The following H2AZ2 variants were observed in gnomAD, a reference collection of about 807,000 sequenced individuals.
H2AZ2 encodes H2A.Z variant histone 2.
In H2AZ2, 5 loss-of-function variants were observed where a neutral mutation model predicts 15.5. The observed-to-expected ratio is 0.32, with a 90% confidence interval of 0.17 to 0.68. The LOEUF (loss-of-function observed/expected upper bound fraction) is 0.68, where lower values mean the gene tolerates loss of function less well. H2AZ2 is among the 30% of genes least tolerant of loss of function. H2AZ2 has a pLI of 0.72. For synonymous variants in H2AZ2, 44 were observed against 57.4 expected, an observed-to-expected ratio of 0.77 and a Z score of 1.05; for missense variants, 42 against 162.5, an observed-to-expected ratio of 0.26 and a Z score of 4.03.
downstream of H2AZ2, chr7:44,828,945 A>C (rs921845579): frequency 6.6e-6 from 1 of 152,182 alleles, no homozygotes; most frequent in African/African-American, 2.4e-5. Context: ...CCTTCCTTTG[A>C]ATCTGACTCC....
At chr7:44,835,349 GAAGGTGAAAT>G (rs1359107833) in intron 4 of H2AZ2, 170 bp downstream of exon 4, 1 of 473,814 alleles carries the variant, frequency 2.1e-6, no homozygotes, top group Non-Finnish European at 3.6e-6. Flanking sequence ...CATATGGCTA[GAAGGTGAAAT>G]ATTTATTCAG....
chr7:44,846,010 T>G (rs1793388795), intron 1 of H2AZ2, among the ~76,000 whole-genome samples: 1 of 133,758 alleles, frequency 7.5e-6, no homozygotes, highest in Non-Finnish European at 1.7e-5. Context: ...TTAAGGTTGT[T>G]GGTTTTAAAA....
chr7:44,834,331 T>C lies in H2AZ2; in HGVS notation c.*170A>G, dbSNP rs998397708. 2.2e-6 allele frequency: 3 copies of C among 1,335,230 alleles called. No individual in the cohort carries two copies. Among genetic ancestry groups the C allele is most frequent in the Non-Finnish European group, 2.9e-6 (3 of 1,036,280 alleles). The allele number at this position is 1,335,230 out of a possible 1,614,324, so 82.7% of individuals were successfully genotyped here. A position where few individuals can be genotyped will look rare whatever the true frequency, so the allele number is the denominator to read the frequency against. Reference sequence around the variant, plus strand: ...CTGTCACCACATGAAAAGGTACTTTTATCAAACTTCGAGTCTAAGAACATA... The same window carrying C: ...CTGTCACCACATGAAAAGGTACTTTCATCAAACTTCGAGTCTAAGAACATA... On this transcript the variant is annotated 3_prime_UTR_variant, in exon 5 of 5. Transcript: ENST00000308153.
intron 1 of H2AZ2, 118 bp downstream of exon 1, chr7:44,847,851 C>A: frequency 2.9e-6 from 4 of 1,386,640 alleles, no homozygotes; most frequent in South Asian, 1.3e-5. Context: ...AGGGGCTCGG[C>A]CGGACGAAGC....
At chr7:44,844,320 T>C (rs889161416) in intron 1 of H2AZ2, among the ~76,000 whole-genome samples, 2 of 152,184 alleles carry the variant, frequency 1.3e-5, no homozygotes, top group African/African-American at 4.8e-5. Flanking sequence ...TTGAGGACAT[T>C]ATGCTAAGGA....
In H2AZ2 at chr7:44,834,369, T is replaced by G. The variant is rs547312603; in HGVS notation, c.*132A>C. ...GTCTAAGAACATACAAATGTTTCTT[T>G]TATCATGTCTACAGTAATTGTCTAT... On this transcript the variant is annotated 3_prime_UTR_variant, in exon 5 of 5. Coordinates refer to ENST00000308153, the MANE Select transcript of H2AZ2 (RefSeq NM_012412.5). 2.9e-4 allele frequency: 389 copies of G among 1,350,664 alleles called. 2 individuals are homozygous for G. In the South Asian group the frequency reaches 7.9e-3, roughly 27 times the overall value. 83.7% of individuals were successfully genotyped at this position (1,350,664 alleles called of 1,614,324 possible). A position where few individuals can be genotyped will look rare whatever the true frequency, so the allele number is the denominator to read the frequency against.
rs1793100689 is a variant in H2AZ2 at position 44,835,623 on chromosome 7, G to A, written c.231C>T (p.Leu77=). Residue 77 remains leucine, a synonymous_variant, in exon 4 of 5, where the codon CTC becomes CTT. Coordinates refer to ENST00000308153, the MANE Select transcript of H2AZ2 (RefSeq NM_012412.5). ...GACGCGGAGTGATACGCTTTACTTTGAGATCCTTAGAAGCATTACCTGCCA... is the reference window on the plus strand; with the variant it reads ...GACGCGGAGTGATACGCTTTACTTTAAGATCCTTAGAAGCATTACCTGCCA... ...LELAGNASKD[L]KVKRITPRHL... is the part of the protein sequence containing the mutation. 1 of 1,611,940 alleles carries A rather than the reference G, an allele frequency of 6.2e-7. No individual in the cohort carries two copies. Among genetic ancestry groups the A allele is most frequent in the South Asian group, 1.1e-5 (1 of 90,816 alleles).
At chr7:44,844,047 A>G (rs959272267) in intron 1 of H2AZ2, among the ~76,000 whole-genome samples, 4 of 151,790 alleles carry the variant, frequency 2.6e-5, no homozygotes, top group African/African-American at 9.7e-5. Flanking sequence ...TTCCAAGAAA[A>G]AAAAAAAAAA....
Position 44,834,214 on chromosome 7 carries a change from AG to A in H2AZ2, c.*286del. ...ATTTCTAATACATCATGAACAGAAC[AG>A]TTTTGAGACAAATTAATTTTGTAAA... On this transcript the variant is annotated 3_prime_UTR_variant, in exon 5 of 5. Transcript: ENST00000308153. 1 of 1,169,954 alleles carries A rather than the reference AG, an allele frequency of 8.5e-7. No homozygotes were observed. Among genetic ancestry groups the A allele is most frequent in the Middle Eastern group, 3.6e-4 (1 of 2,800 alleles). The allele number at this position is 1,169,954 out of a possible 1,614,324, so 72.5% of individuals were successfully genotyped here.
In H2AZ2 at chr7:44,833,511, A is replaced by C. The variant is rs1793043393; in HGVS notation, c.*990T>G. The C allele has an allele frequency of 6.0e-6, 1 of 168,044 alleles. No individual in the cohort carries two copies. The highest frequency in any genetic ancestry group is 1.9e-4 in the East Asian group (1 of 5,248). 10.4% of individuals were successfully genotyped at this position (168,044 alleles called of 1,614,324 possible). The stretch of plus-strand genomic sequence containing the variant: ...TGGCCTCCCAAAGTGCTGGGATTAC[A>C]GGCGTGAGCCACCGCGCCTGGCCGA... On this transcript the variant is annotated 3_prime_UTR_variant, in exon 5 of 5. Coordinates refer to ENST00000308153, the MANE Select transcript of H2AZ2 (RefSeq NM_012412.5).
At chr7:44,835,955 CTTTTTTTTTTTTTT>C (rs56386314) in intron 3 of H2AZ2, among the ~76,000 whole-genome samples, 3 of 90,894 alleles carry the variant, frequency 3.3e-5, no homozygotes, top group Middle Eastern at 0.013. Context: ...TTAGAAAAGT[CTTTTTTTTTTTTTT>C]TTTTTTTTGA....
rs1165665735 is a variant in H2AZ2 at position 44,834,378 on chromosome 7, C to T, written c.*123G>A. On this transcript the variant is annotated 3_prime_UTR_variant, in exon 5 of 5. Coordinates refer to ENST00000308153, the MANE Select transcript of H2AZ2 (RefSeq NM_012412.5). ...CATACAAATGTTTCTTTTATCATGT[C>T]TACAGTAATTGTCTATGCTTTTCCA... is the stretch of plus-strand genomic sequence containing the variant. 28 of 1,403,934 alleles carry T rather than the reference C, an allele frequency of 2.0e-5. No homozygotes were observed. In the Middle Eastern group the frequency reaches 8.0e-4, roughly 40 times the overall value. The allele number at this position is 1,403,934 out of a possible 1,614,324, so 87.0% of individuals were successfully genotyped here. A position where few individuals can be genotyped will look rare whatever the true frequency, so the allele number is the denominator to read the frequency against.
chr7:44,845,495 T>C (rs958945652), intron 1 of H2AZ2, among the ~76,000 whole-genome samples: 3 of 152,278 alleles, frequency 2.0e-5, no homozygotes, highest in Admixed American at 6.5e-5. Context: ...TTTGCCCTAA[T>C]ATATAACACT....
In H2AZ2 at chr7:44,833,088, C is replaced by T. The variant is rs1793030715; in HGVS notation, c.*1413G>A. Among the ~76,000 whole-genome samples, 1 of 151,994 alleles carries T rather than the reference C, an allele frequency of 6.6e-6. No individual in the cohort carries two copies. On this transcript the variant is annotated 3_prime_UTR_variant, in exon 5 of 5. Coordinates refer to ENST00000308153, the MANE Select transcript of H2AZ2 (RefSeq NM_012412.5). The stretch of plus-strand genomic sequence containing the variant: ...TTTGAGACAGAGTCACACTCTGTCA[C>T]CTAGGCTGGAGTGTAGTGGCGTGAT...
At chr7:44,839,955 A>G (rs536413406) in intron 3 of H2AZ2, among the ~76,000 whole-genome samples, 67 of 151,674 alleles carry the variant, frequency 4.4e-4, no homozygotes, top group Admixed American at 8.5e-4. Context: ...GTGAGCCAAG[A>G]TTGTGCCATT....
rs10573522 is a variant in H2AZ2, at chr7:44,846,024, TACACACACACAC to T, written c.3+1933_3+1944del. Among the ~76,000 whole-genome samples, 470 of 132,852 alleles carry T rather than the reference TACACACACACAC, an allele frequency of 3.5e-3. 6 individuals carry two copies. The highest frequency in any genetic ancestry group is 0.011 in the African/African-American group (411 of 37,124). The allele number at this position is 132,852 out of a possible 152,430, so 87.2% of individuals were successfully genotyped here. On this transcript the variant is annotated intron_variant, in intron 1 of 4. Coordinates refer to ENST00000308153, the MANE Select transcript of H2AZ2 (RefSeq NM_012412.5). ...GTTAAGGTTGTTGGTTTTAAAAAAT[TACACACACACAC>T]ACACACACACACACACACACACACA...
downstream of H2AZ2, among the ~76,000 whole-genome samples, chr7:44,831,150 G>C (rs1037314666): frequency 6.6e-6 from 1 of 152,122 alleles, no homozygotes; most frequent in Non-Finnish European, 1.5e-5. Context: ...CTGGGCGACA[G>C]AGTAATACTT....
chr7:44,845,901 T>C (rs552761863), intron 1 of H2AZ2, among the ~76,000 whole-genome samples: 265 of 152,252 alleles, frequency 1.7e-3, no homozygotes, highest in African/African-American at 6.1e-3. Flanking sequence ...ACTGTATATA[T>C]AGCCTCCCTA....
Position 44,833,588 on chromosome 7 carries a change from T to A in H2AZ2, c.*913A>T. 1 of 652,186 alleles carries A rather than the reference T, an allele frequency of 1.5e-6. No individual in the cohort carries two copies. Among genetic ancestry groups the A allele is most frequent in the East Asian group, 1.4e-4 (1 of 7,298 alleles). The allele number at this position is 652,186 out of a possible 1,614,324, so 40.4% of individuals were successfully genotyped here. Reference sequence around the variant, plus strand: ...CTGGTCTCAAACTCCTGACCTCAAGTGTTCCACCAGCCTCGGTCTCCCGAA... The same window carrying A: ...CTGGTCTCAAACTCCTGACCTCAAGAGTTCCACCAGCCTCGGTCTCCCGAA... On this transcript the variant is annotated 3_prime_UTR_variant, in exon 5 of 5. Transcript: ENST00000308153.
Sources: gnomAD v4.1 joint callset for allele counts (sites outside exome capture counted in the v4.1 genomes callset) on GRCh38, gnomAD v4.1.1 for gene constraint, MANE v1.5 for transcripts, NCBI Gene and HGNC (gene_info 2026-07-23, HGNC 2026-07-21) for gene names.